NR5A2: variants seen among roughly 807,000 people sequenced by gnomAD.
The protein encoded by NR5A2 is nuclear receptor subfamily 5 group A member 2, also known as CYP7A promoter-binding factor.
Under a neutral mutation model 62.7 loss-of-function variants are expected in NR5A2, and 26 were observed. That is an observed-to-expected ratio of 0.41 (90% CI 0.30 to 0.58). NR5A2 has a LOEUF of 0.58. Ranked by LOEUF, NR5A2 falls within the 20% of genes least tolerant of loss-of-function variation. The pLI, the probability that NR5A2 is intolerant of heterozygous loss-of-function variation, is 0.22. For missense variants in NR5A2, 541 were observed against 669.1 expected (o/e 0.81, Z 2.11); for synonymous variants, 246 against 241.7 (o/e 1.02, Z -0.16).
intron 7 of NR5A2, among the ~76,000 whole-genome samples, chr1:200,150,568 C>G (rs1653033322): frequency 6.6e-6 from 1 of 152,156 alleles, no homozygotes; most frequent in South Asian, 2.1e-4. Flanking sequence ...GGCTTAAACA[C>G]TGAAAGTTCA....
chr1:200,111,860 C>A (rs1268092921), intron 6 of NR5A2, among the ~76,000 whole-genome samples: 1 of 152,124 alleles, frequency 6.6e-6, no homozygotes, highest in African/African-American at 2.4e-5. Context: ...AGGTCCTACA[C>A]CTTTCTGAAC....
chr1:200,036,948 C>T (rs1661806049), intron 1 of NR5A2, among the ~76,000 whole-genome samples: 1 of 152,262 alleles, frequency 6.6e-6, no homozygotes, highest in African/African-American at 2.4e-5. Context: ...TTTTTAAAAC[C>T]CAGTCCCCAG....
intron 6 of NR5A2, among the ~76,000 whole-genome samples, chr1:200,111,717 TG>T (rs1287746219): frequency 6.6e-6 from 1 of 152,206 alleles, no homozygotes; most frequent in Non-Finnish European, 1.5e-5. Flanking sequence ...GGAAAAATAT[TG>T]GTGAACGAGA....
chr1:200,139,587 C>A (rs943053728), intron 7 of NR5A2, among the ~76,000 whole-genome samples: 6 of 152,192 alleles, frequency 3.9e-5, no homozygotes, highest in African/African-American at 7.2e-5. Context: ...ACAAATTATT[C>A]TCTTATCTTT....
rs1457202210 is a variant in NR5A2, at chr1:200,043,851, T to A, written c.280T>A (p.Ser94Thr). 1 of 1,613,730 alleles carries A rather than the reference T, an allele frequency of 6.2e-7. No homozygotes were observed. Among genetic ancestry groups the A allele is most frequent in the Non-Finnish European group, 8.5e-7 (1 of 1,179,836 alleles). The change falls in exon 3 of 8, where the codon TCT becomes ACT. Residue 94 changes from serine to threonine, a missense_variant. Transcript: ENST00000367362. ...ELCPVCGDKV[S>T]GYHYGLLTCE... Reference sequence around the variant, plus strand: ...TTGTCCCGTGTGTGGAGATAAAGTGTCTGGGTACCATTATGGGCTCCTCAC... The same window carrying A: ...TTGTCCCGTGTGTGGAGATAAAGTGACTGGGTACCATTATGGGCTCCTCAC...
chr1:200,057,592 C>A, intron 5 of NR5A2: 2 of 341,236 alleles, frequency 5.9e-6, no homozygotes, highest in South Asian at 4.5e-5. Context: ...GATTCGCCTG[C>A]CTCAGCCTCC....
intron 5 of NR5A2, among the ~76,000 whole-genome samples, chr1:200,060,484 A>C (rs1467652947): frequency 6.6e-6 from 1 of 152,110 alleles, no homozygotes; most frequent in Non-Finnish European, 1.5e-5. Flanking sequence ...CTCAGCTTGG[A>C]TGGGTATGGG....
Position 200,060,355 on chromosome 1 carries a change from A to G in NR5A2, c.1110+11537A>G, listed in dbSNP as rs541814328. Reference sequence around the variant, plus strand: ...GTGGAGCAGGCAAGAGAAACGGTTAAATAGACCCCAGAGAAGGGCTGCAGT... The same window carrying G: ...GTGGAGCAGGCAAGAGAAACGGTTAGATAGACCCCAGAGAAGGGCTGCAGT... On this transcript the variant is annotated intron_variant, in intron 5 of 7. Transcript: ENST00000367362. 2.0e-5 allele frequency among the ~76,000 whole-genome samples: 3 copies of G among 152,166 alleles called. No homozygotes were observed. The East Asian group carries it at 5.8e-4, about 29-fold the overall frequency.
chr1:200,124,024 G>A (rs1666594566), intron 7 of NR5A2, among the ~76,000 whole-genome samples: 1 of 151,836 alleles, frequency 6.6e-6, no homozygotes, highest in African/African-American at 2.4e-5. Flanking sequence ...GGCTGGTCTC[G>A]AACTCCTGAC....
intron 2 of NR5A2, 124 bp from the exon 3 acceptor site, chr1:200,043,648 TTG>T (rs1662223784): frequency 1.8e-6 from 1 of 567,132 alleles, no homozygotes; most frequent in African/African-American, 1.9e-5. Context: ...TTGCTAAAAA[TTG>T]TTTTTATTTT....
intron 5 of NR5A2, among the ~76,000 whole-genome samples, chr1:200,078,262 C>T (rs914614538): frequency 2.6e-5 from 4 of 152,130 alleles, no homozygotes; most frequent in Non-Finnish European, 2.9e-5. Context: ...AAGAGATACT[C>T]GTGTGTGTTA....
At chr1:200,163,265 C>CAAA (rs374872273) in intron 7 of NR5A2, among the ~76,000 whole-genome samples, 1,312 of 87,948 alleles carry the variant, frequency 0.015, 26 homozygotes, top group African/African-American at 0.041. Flanking sequence ...ATGTCAAAGG[C>CAAA]AAAAAAAAAA....
At chr1:200,158,365 T>A (rs1653480059) in intron 7 of NR5A2, among the ~76,000 whole-genome samples, 1 of 152,158 alleles carries the variant, frequency 6.6e-6, no homozygotes, top group Admixed American at 6.6e-5. Context: ...ATGCAAGGGG[T>A]TTAATAAAAA....
At chr1:200,080,997 A>C (rs1664267848) in intron 5 of NR5A2, among the ~76,000 whole-genome samples, 1 of 152,230 alleles carries the variant, frequency 6.6e-6, no homozygotes, top group Non-Finnish European at 1.5e-5. Context: ...GACCAGAAGC[A>C]AGAAGACTGG....
intron 5 of NR5A2, among the ~76,000 whole-genome samples, chr1:200,055,658 A>G (rs1377962691): frequency 1.3e-5 from 2 of 152,238 alleles, no homozygotes; most frequent in African/African-American, 2.4e-5. Context: ...TCACAGAGCA[A>G]TAGCCACTTT....
chr1:200,040,684 C>T (rs1402741635), intron 2 of NR5A2, among the ~76,000 whole-genome samples: 1 of 152,210 alleles, frequency 6.6e-6, no homozygotes, highest in Non-Finnish European at 1.5e-5. Flanking sequence ...GATGTGCGGG[C>T]CGGCGGGCCT....
At chr1:200,084,411 A>C (rs1664433973) in intron 5 of NR5A2, among the ~76,000 whole-genome samples, 1 of 152,150 alleles carries the variant, frequency 6.6e-6, no homozygotes, top group Admixed American at 6.5e-5. Flanking sequence ...GCTTGGAATC[A>C]AGGGAAAAAA....
At chr1:200,038,714 C>G in intron 1 of NR5A2, 1 of 1,366,166 alleles carries the variant, frequency 7.3e-7, no homozygotes, top group Non-Finnish European at 9.8e-7. Context: ...GAGGAAATTG[C>G]CGCTCTGGCT....
At chr1:200,100,336 A>ATTTG (rs1665307206) in intron 5 of NR5A2, among the ~76,000 whole-genome samples, 1 of 151,634 alleles carries the variant, frequency 6.6e-6, no homozygotes, top group South Asian at 2.1e-4. Flanking sequence ...TTATTTATTT[A>ATTTG]TTTGGATTTC....
Sources: allele counts gnomAD v4.1 joint callset (sites outside exome capture counted in the v4.1 genomes callset), GRCh38; gene constraint gnomAD v4.1.1; transcripts MANE v1.5; gene names NCBI Gene and HGNC (gene_info 2026-07-23, HGNC 2026-07-21).